The following SYCP2L variants were observed in gnomAD, a reference collection of about 807,000 sequenced individuals.
SYCP2L encodes synaptonemal complex protein 2 like.
In SYCP2L, 98 loss-of-function variants were observed where a neutral mutation model predicts 125.8. That is an observed-to-expected ratio of 0.78 (90% CI 0.66 to 0.92). The LOEUF is 0.92. Among genes scored for constraint, SYCP2L ranks in the 40% least tolerant of loss-of-function variants. The pLI, the probability that SYCP2L is intolerant of heterozygous loss-of-function variation, is 0.00. For synonymous variants in SYCP2L, 317 were observed against 325.4 expected, an observed-to-expected ratio of 0.97 and a Z score of 0.28; for missense variants, 842 against 936.4, an observed-to-expected ratio of 0.90 and a Z score of 1.32.
chr6:10,954,057 G>T lies in SYCP2L; in HGVS notation c.1955-1059G>T, dbSNP rs548961521. Among the ~76,000 whole-genome samples the T allele has an allele frequency of 3.9e-5, 6 of 152,270 alleles. No individual in the cohort carries two copies. Among genetic ancestry groups the T allele is most frequent in the African/African-American group, 1.4e-4 (6 of 41,550 alleles). On this transcript the variant is annotated intron_variant, in intron 23 of 29. Coordinates refer to ENST00000283141, the MANE Select transcript of SYCP2L (RefSeq NM_001040274.3). The surrounding 1 kb of genome is among the most constrained non-coding windows in gnomAD (Gnocchi z 4.8). Reference sequence around the variant, plus strand: ...ACTTCGTCTTTACCTCTCACTATCTGCCAGCCGCATCGCCCTGCCTCTCGC... The same window carrying T: ...ACTTCGTCTTTACCTCTCACTATCTTCCAGCCGCATCGCCCTGCCTCTCGC...
At chr6:10,958,613 T>TG (rs796256088) in intron 25 of SYCP2L, among the ~76,000 whole-genome samples, 171 bp from the exon 26 acceptor site, 85 of 152,298 alleles carry the variant, frequency 5.6e-4, no homozygotes, top group African/African-American at 1.9e-3. Context: ...GTCCTGAACC[T>TG]GGGGTAATAC....
chr6:10,920,185 C>A (rs1178980458), intron 14 of SYCP2L, among the ~76,000 whole-genome samples: 1 of 152,074 alleles, frequency 6.6e-6, no homozygotes, highest in Non-Finnish European at 1.5e-5. Flanking sequence ...TTTGGTTCAA[C>A]GTTTGTTCCT....
chr6:10,917,961 T>G (rs772043548), intron 14 of SYCP2L, among the ~76,000 whole-genome samples: 3 of 152,096 alleles, frequency 2.0e-5, no homozygotes, highest in Non-Finnish European at 4.4e-5. Context: ...TTGAGGAGGC[T>G]GAAGATAGGG....
At chr6:10,968,771 G>A (rs754921711) in intron 29 of SYCP2L, among the ~76,000 whole-genome samples, 1 of 152,156 alleles carries the variant, frequency 6.6e-6, no homozygotes, top group African/African-American at 2.4e-5. Flanking sequence ...GGGGGATGAT[G>A]ACTGTCTTTC....
At chr6:10,966,886 A>G (rs1395297966) in intron 29 of SYCP2L, among the ~76,000 whole-genome samples, 1 of 152,234 alleles carries the variant, frequency 6.6e-6, no homozygotes, top group Non-Finnish European at 1.5e-5. Context: ...ACCAATTCAT[A>G]GAGGCCTTAA....
intron 10 of SYCP2L, among the ~76,000 whole-genome samples, chr6:10,909,283 C>G (rs890751171): frequency 1.3e-5 from 2 of 151,910 alleles, no homozygotes; most frequent in Non-Finnish European, 2.9e-5. Context: ...CGTGTGCCAC[C>G]ACTCCCGGCT....
intron 21 of SYCP2L, among the ~76,000 whole-genome samples, chr6:10,939,686 A>AT (rs1245545393): frequency 6.6e-6 from 1 of 152,238 alleles, no homozygotes; most frequent in East Asian, 1.9e-4. Flanking sequence ...AAACAATGAA[A>AT]TTGGGCCTTT....
Position 10,961,321 on chromosome 6 carries a change from C to T in SYCP2L, c.2272C>T (p.Arg758Cys), listed in dbSNP as rs772670003. The T allele has an allele frequency of 1.8e-5, 29 of 1,614,004 alleles. No homozygotes were observed. Among genetic ancestry groups the T allele is most frequent in the Middle Eastern group, 3.3e-4 (2 of 6,062 alleles). Reference protein sequence around the residue: ...MQLFRLNKLERFQNLVLQELS... With the variant: ...MQLFRLNKLECFQNLVLQELS... ...GTTTATTAGACTCAATAAACTAGAG[C>T]GCTTTCAAAATTTGGTTCTTCAAGA... Residue 758 changes from arginine (R) to cysteine (C), a missense_variant, in exon 27 of 30, where the codon CGC (arginine) becomes TGC (cysteine). Arg to Cys is a radical substitution (Grantham distance 180, BLOSUM62 -3). Coordinates refer to ENST00000283141, the MANE Select transcript of SYCP2L (RefSeq NM_001040274.3).
intron 10 of SYCP2L, among the ~76,000 whole-genome samples, chr6:10,907,963 A>G (rs973257265): frequency 7.2e-6 from 1 of 138,658 alleles, no homozygotes; most frequent in Non-Finnish European, 1.5e-5. Flanking sequence ...ATCTCAGCTC[A>G]CTGCAACCTC....
rs144095794 is a variant in SYCP2L, at chr6:10,973,800, A to G, written c.*38-152A>G. Among the ~76,000 whole-genome samples, 711 of 152,370 alleles carry G rather than the reference A, an allele frequency of 4.7e-3. 2 individuals are homozygous for G. Among genetic ancestry groups the G allele is most frequent in the Middle Eastern group, 0.027 (8 of 294 alleles). ...AGGACACTGACATGAGCTTTTGACAACCATGTAAGATGCTTCACTGAATAC... is the reference window on the plus strand; with the variant it reads ...AGGACACTGACATGAGCTTTTGACAGCCATGTAAGATGCTTCACTGAATAC... On this transcript the variant is annotated intron_variant, in intron 29 of 29. Coordinates refer to ENST00000283141, the MANE Select transcript of SYCP2L (RefSeq NM_001040274.3).
At chr6:10,939,126 A>T (rs550628143) in intron 21 of SYCP2L, among the ~76,000 whole-genome samples, 1 of 152,302 alleles carries the variant, frequency 6.6e-6, no homozygotes, top group Non-Finnish European at 1.5e-5. Context: ...TCTCAAAAAA[A>T]AAAAGAAAAT....
At position 10,898,201 on chromosome 6, in the gene SYCP2L, A is replaced by G. The variant is rs76116274; in HGVS notation, c.441+86A>G. On this transcript the variant is annotated intron_variant, in intron 5 of 29. Coordinates refer to ENST00000283141, the MANE Select transcript of SYCP2L (RefSeq NM_001040274.3). ...AGTTATTTATAAAACATGGTTTTCT[A>G]TAATATGTAAGTTTTGTTAAAAGAC... 2,729 of 1,037,074 alleles carry G rather than the reference A, an allele frequency of 2.6e-3. 6 individuals carry two copies. The highest frequency in any genetic ancestry group is 3.7e-3 in the Non-Finnish European group (2,506 of 681,882). The allele number at this position is 1,037,074 out of a possible 1,614,324, so 64.2% of individuals were successfully genotyped here.
chr6:10,898,794 T>A, intron 5 of SYCP2L, 30 bp from the exon 6 acceptor site: 1 of 1,323,468 alleles, frequency 7.6e-7, no homozygotes, highest in Non-Finnish European at 1.1e-6. Context: ...TAAAATAATA[T>A]GAGCTTTACT....
At chr6:10,963,708 T>G in intron 28 of SYCP2L, 74 bp from the exon 29 acceptor site, 1 of 1,424,450 alleles carries the variant, frequency 7.0e-7, no homozygotes, top group Non-Finnish European at 9.9e-7. Flanking sequence ...GATATGCAGA[T>G]GTATCTAGAT....
chr6:10,937,427 A>C (rs1781119412), intron 21 of SYCP2L, among the ~76,000 whole-genome samples: 1 of 152,224 alleles, frequency 6.6e-6, no homozygotes, highest in Non-Finnish European at 1.5e-5. Context: ...TACAGGATGC[A>C]GCAAGAGCAG....
chr6:10,939,591 C>G (rs12200867), intron 21 of SYCP2L, among the ~76,000 whole-genome samples: 32,721 of 152,110 alleles, frequency 0.22, 3,837 homozygotes, highest in African/African-American at 0.29. Flanking sequence ...GCCACTTAAT[C>G]TTTGAAAAGG....
In SYCP2L at chr6:10,912,896, G is replaced by A. The variant is rs1032377815; in HGVS notation, c.1041G>A (p.Pro347=). 2.0e-5 allele frequency: 32 copies of A among 1,613,716 alleles called. No homozygotes were observed. The African/African-American group carries it at 3.6e-4, about 18-fold the overall frequency. The change falls in exon 14 of 30, where the codon CCG becomes CCA. Residue 347 remains proline (P), a synonymous_variant. Transcript: ENST00000283141. This position sits in a 1 kb window ranked among gnomAD's most constrained non-coding sequence, Gnocchi z 4.1. ...CTCTATGGGACTCAGTGACACTTCC[G>A]AAGGAAGCGGTGATGAATTTCAGCA... ...ENTLWDSVTL[P]KEAVMNFSIT... is the part of the protein sequence containing the mutation.
At chr6:10,944,881 A>T (rs1365940945) in intron 23 of SYCP2L, among the ~76,000 whole-genome samples, 3 of 151,918 alleles carry the variant, frequency 2.0e-5, no homozygotes, top group African/African-American at 7.3e-5. Context: ...TACCCAGCTA[A>T]TTTTGCATTT....
chr6:10,909,306 T>C (rs1780562268), intron 10 of SYCP2L, among the ~76,000 whole-genome samples: 1 of 152,052 alleles, frequency 6.6e-6, no homozygotes, highest in South Asian at 2.1e-4. Context: ...TTTTGTATTT[T>C]TAGTAGAGAC....
Sources: allele counts gnomAD v4.1 joint callset (sites outside exome capture counted in the v4.1 genomes callset), GRCh38; gene constraint gnomAD v4.1.1; non-coding constraint Gnocchi (gnomAD v3.1); transcripts MANE v1.5; gene names NCBI Gene and HGNC (gene_info 2026-07-23, HGNC 2026-07-21).